Variants in GCNT1 observed in about 807,000 individuals in gnomAD.
GCNT1 encodes beta-1,3-galactosyl-O-glycosyl-glycoprotein beta-1,6-N-acetylglucosaminyltransferase.
Under a neutral mutation model 26.2 loss-of-function variants are expected in GCNT1, and 16 were observed. The observed-to-expected ratio is 0.61, with a 90% CI of 0.41 to 0.93. The LOEUF is 0.93. GCNT1 is among the 40% of genes least tolerant of loss of function. GCNT1 has a pLI of 0.00. For missense variants in GCNT1, 477 were observed against 526.7 expected (o/e 0.91, Z 0.92); for synonymous variants, 183 against 190.8 (o/e 0.96, Z 0.34).
the GCNT1 span, among the ~76,000 whole-genome samples, chr9:76,397,845 C>T: frequency 1.4e-4 from 22 of 152,104 alleles, no homozygotes; most frequent in Non-Finnish European, 2.6e-4. Context: ...CAAAGCAGAC[C>T]CCTCCACCTT....
rs532897439 is a variant in GCNT1, at chr9:76,506,601, T to C, written c.*2933T>C. ...AATTTTGTGATGGAAGGATTCTAGTTAATGAGTATTGCATCAAGATTTACA... is the reference window on the plus strand; with the variant it reads ...AATTTTGTGATGGAAGGATTCTAGTCAATGAGTATTGCATCAAGATTTACA... On this transcript the variant is annotated 3_prime_UTR_variant, in exon 4 of 4. Transcript: ENST00000376730. The C allele has an allele frequency of 3.0e-5, 5 of 167,030 alleles. No individual in the cohort carries two copies. Among genetic ancestry groups the C allele is most frequent in the Non-Finnish European group, 5.9e-5 (4 of 68,110 alleles). The allele number at this position is 167,030 out of a possible 1,614,324, so 10.3% of individuals were successfully genotyped here.
chr9:76,435,052 A>G (rs1455606118), intron 1 of GCNT1, among the ~76,000 whole-genome samples: 1 of 152,186 alleles, frequency 6.6e-6, no homozygotes, highest in African/African-American at 2.4e-5. Flanking sequence ...CGTCATCAGT[A>G]ATTCTAATTT....
At chr9:76,424,151 C>G (rs1479293275) in intron 1 of GCNT1, among the ~76,000 whole-genome samples, 1 of 151,972 alleles carries the variant, frequency 6.6e-6, no homozygotes, top group East Asian at 1.9e-4. Context: ...TATAGACAGG[C>G]AAAAATCAGA....
At chr9:76,495,573 C>A (rs534862622) in intron 2 of GCNT1, among the ~76,000 whole-genome samples, 1 of 152,258 alleles carries the variant, frequency 6.6e-6, no homozygotes, top group African/African-American at 2.4e-5. Context: ...GCTGATTGGT[C>A]CATTTTACAC....
At chr9:76,447,217 G>A (rs1482631331) in intron 1 of GCNT1, among the ~76,000 whole-genome samples, 16 of 142,496 alleles carry the variant, frequency 1.1e-4, no homozygotes, top group Admixed American at 1.0e-3. Context: ...TTGCTGAATT[G>A]CTTCTTCCTT....
At chr9:76,481,787 C>T (rs779768361) in intron 2 of GCNT1, among the ~76,000 whole-genome samples, 9 of 152,150 alleles carry the variant, frequency 5.9e-5, no homozygotes, top group Non-Finnish European at 1.0e-4. Context: ...AAGACACAGA[C>T]TCCTGGGCCA....
chr9:76,502,732 A>G lies in GCNT1; in HGVS notation c.351A>G (p.Glu117=). 1 of 1,614,184 alleles carries G rather than the reference A, an allele frequency of 6.2e-7. No homozygotes were observed. The highest frequency in any genetic ancestry group is 2.2e-5 in the East Asian group (1 of 44,882). ...ATATTGTAGAACCCCTTAGTAAAGAAGAGGCGGAGTTTCCAATAGCATATT... is the reference window on the plus strand; with the variant it reads ...ATATTGTAGAACCCCTTAGTAAAGAGGAGGCGGAGTTTCCAATAGCATATT... ...RKYIVEPLSK[E]EAEFPIAYSI... Residue 117 remains glutamate (E), a synonymous_variant, in exon 4 of 4, where the codon GAA becomes GAG. Transcript: ENST00000376730.
intron 3 of GCNT1, among the ~76,000 whole-genome samples, chr9:76,501,468 T>G (rs998495762): frequency 6.6e-6 from 1 of 152,256 alleles, no homozygotes. Flanking sequence ...TATTACAGTC[T>G]GTTATAACTA....
At chr9:76,456,999 T>G (rs1020443731), upstream of GCNT1, among the ~76,000 whole-genome samples, 3 of 152,126 alleles carry the variant, frequency 2.0e-5, no homozygotes, top group Non-Finnish European at 4.4e-5. Context: ...TGGATTACAC[T>G]TATGGTATAC....
intron 1 of GCNT1, among the ~76,000 whole-genome samples, chr9:76,427,493 T>C (rs1430889162): frequency 6.6e-6 from 1 of 152,088 alleles, no homozygotes; most frequent in Non-Finnish European, 1.5e-5. Context: ...GGTAATATAC[T>C]TCTGACAGGG....
rs752216368 is a variant in GCNT1 at position 76,503,003 on chromosome 9, G to A, written c.622G>A (p.Ala208Thr). 1.9e-6 allele frequency: 3 copies of A among 1,613,626 alleles called. No individual in the cohort carries two copies. In the South Asian group the frequency reaches 3.3e-5, roughly 18 times the overall value. The change falls in exon 4 of 4, where the codon GCA becomes ACA. Residue 208 changes from alanine to threonine, a missense_variant. Ala to Thr is a moderately conservative substitution (Grantham distance 58). Coordinates refer to ENST00000376730, the MANE Select transcript of GCNT1 (RefSeq NM_001490.5). ...NCMKDLYAMS[A>T]NWKYLINLCG... ...CATGAAGGATCTCTATGCAATGAGT[G>A]CAAACTGGAAGTACTTGATAAATCT...
At chr9:76,491,259 A>G (rs1824730208) in intron 2 of GCNT1, among the ~76,000 whole-genome samples, 2 of 149,072 alleles carry the variant, frequency 1.3e-5, no homozygotes, top group South Asian at 4.2e-4. Flanking sequence ...CTCTTTCCTT[A>G]CTGCTGGTCT....
At chr9:76,402,091 A>G in the GCNT1 span, among the ~76,000 whole-genome samples, 2 of 152,166 alleles carry the variant, frequency 1.3e-5, no homozygotes, top group Admixed American at 6.5e-5. Context: ...TTCAGTGGTT[A>G]ACTTTTGTCC....
intron 1 of GCNT1, among the ~76,000 whole-genome samples, chr9:76,450,157 A>G (rs2131586555): frequency 6.6e-6 from 1 of 152,298 alleles, no homozygotes; most frequent in Middle Eastern, 3.4e-3. Context: ...GGTTCCCGCC[A>G]TCCCCACCCT....
the GCNT1 span, among the ~76,000 whole-genome samples, chr9:76,407,968 T>C: frequency 1.3e-5 from 2 of 152,214 alleles, no homozygotes; most frequent in Non-Finnish European, 1.5e-5. Context: ...TGTGTGTTAA[T>C]CTTGTATCCT....
chr9:76,443,930 AAAGGAAGGAAGG>A (rs201262371), intron 1 of GCNT1, among the ~76,000 whole-genome samples: 1,867 of 77,790 alleles, frequency 0.024, 33 homozygotes, highest in East Asian at 0.047. Context: ...AGAAAGGAAG[AAAGGAAGGAAGG>A]AAGGAAGGAA....
In GCNT1 at chr9:76,506,884, T is replaced by C. The variant is rs1473442527; in HGVS notation, c.*3216T>C. 6.0e-6 allele frequency: 1 copy of C among 167,016 alleles called. No homozygotes were observed. The highest frequency in any genetic ancestry group is 1.5e-5 in the Non-Finnish European group (1 of 68,110). 10.3% of individuals were successfully genotyped at this position (167,016 alleles called of 1,614,324 possible). On this transcript the variant is annotated 3_prime_UTR_variant, in exon 4 of 4. Transcript: ENST00000376730. Reference sequence around the variant, plus strand: ...GTAGGGTCGATTGAATTGGACCTTTTCAGTTGTTCAGAAAAATAAAAATAA... The same window carrying C: ...GTAGGGTCGATTGAATTGGACCTTTCCAGTTGTTCAGAAAAATAAAAATAA...
chr9:76,452,344 A>G (rs888833291), intron 1 of GCNT1, among the ~76,000 whole-genome samples: 1 of 152,228 alleles, frequency 6.6e-6, no homozygotes, highest in African/African-American at 2.4e-5. Flanking sequence ...CTGTACTAAA[A>G]AAAATTTACA....
At chr9:76,435,694 C>T (rs549243072) in intron 1 of GCNT1, among the ~76,000 whole-genome samples, 79 of 152,238 alleles carry the variant, frequency 5.2e-4, no homozygotes, top group African/African-American at 1.8e-3. Flanking sequence ...AGGTCCCAGC[C>T]TTATTACCTC....
Sources: gnomAD v4.1 joint callset for allele counts (sites outside exome capture counted in the v4.1 genomes callset) on GRCh38, gnomAD v4.1.1 for gene constraint, MANE v1.5 for transcripts, NCBI Gene and HGNC (gene_info 2026-07-23, HGNC 2026-07-21) for gene names.